The following HDAC9 variants were observed in gnomAD, a reference collection of about 807,000 sequenced individuals.
HDAC9 encodes MEF-2 interacting transcription repressor (MITR) protein.
Under a neutral mutation model 139.4 loss-of-function variants are expected in HDAC9, and 41 were observed. The ratio of observed to expected loss-of-function variants is 0.29; its 90% confidence interval spans 0.23 to 0.38. HDAC9 has a LOEUF of 0.38. Ranked by LOEUF, HDAC9 falls within the 10% of genes least tolerant of loss-of-function variation. The pLI, the probability that HDAC9 is intolerant of heterozygous loss-of-function variation, is 1.00. For missense variants in HDAC9, 1,147 were observed against 1,297.0 expected, an observed-to-expected ratio of 0.88 and a Z score of 1.78; for synonymous variants, 517 against 476.2, an observed-to-expected ratio of 1.09 and a Z score of -1.12.
At chr7:18,869,891 T>C (rs1267440629) in intron 21 of HDAC9, among the ~76,000 whole-genome samples, 2 of 151,226 alleles carry the variant, frequency 1.3e-5, no homozygotes, top group African/African-American at 4.9e-5. Flanking sequence ...TTTTTTGTTT[T>C]TTTTTTTTAG....
chr7:18,970,863 A>C (rs1434352800), intron 24 of HDAC9, among the ~76,000 whole-genome samples: 4 of 152,198 alleles, frequency 2.6e-5, no homozygotes, highest in African/African-American at 9.6e-5. Context: ...CAAAATGATG[A>C]TGGAATGAGG....
At chr7:18,269,565 G>A (rs904414842) in intron 2 of HDAC9, among the ~76,000 whole-genome samples, 7 of 151,934 alleles carry the variant, frequency 4.6e-5, no homozygotes, top group African/African-American at 1.7e-4. Context: ...TTCGAAATAT[G>A]AGCATGGGAA....
intron 22 of HDAC9, among the ~76,000 whole-genome samples, chr7:18,883,372 A>G (rs1210445133): frequency 1.3e-5 from 2 of 152,156 alleles, no homozygotes; most frequent in Non-Finnish European, 2.9e-5. Context: ...ATGGGATGCA[A>G]AGATGATTCA....
In HDAC9 at chr7:18,326,314, G is replaced by T. The variant is rs1800440857; in HGVS notation, c.-42+35799G>T. On this transcript the variant is annotated intron_variant, in intron 1 of 3. Coordinates refer to the HDAC9 transcript ENST00000413509. ...TATGCTTGAATAAAAGCATCTAAAA[G>T]AAAGTGTTTTTTTATAAATGACAAC... Among the ~76,000 whole-genome samples the T allele has an allele frequency of 2.0e-5, 3 of 152,060 alleles. No individual in the cohort carries two copies. In the South Asian group the frequency reaches 6.2e-4, roughly 32 times the overall value.
At chr7:18,173,398 CTT>C (rs1485683390) in intron 2 of HDAC9, among the ~76,000 whole-genome samples, 1 of 152,160 alleles carries the variant, frequency 6.6e-6, no homozygotes, top group African/African-American at 2.4e-5. Flanking sequence ...GGTCTTGACT[CTT>C]TATCCAATTT....
chr7:18,840,490 T>C (rs1796516441), intron 21 of HDAC9, among the ~76,000 whole-genome samples: 1 of 152,056 alleles, frequency 6.6e-6, no homozygotes, highest in South Asian at 2.1e-4. Context: ...AGTGCACATT[T>C]AGTCAAAATT....
Position 18,227,725 on chromosome 7 carries a change from C to A in HDAC9, c.25+65376C>A, listed in dbSNP as rs540758356. 3.3e-5 allele frequency among the ~76,000 whole-genome samples: 5 copies of A among 152,204 alleles called. No individual in the cohort carries two copies. The South Asian group carries it at 1.0e-3, about 32-fold the overall frequency. ...CCTGCTGCCTGCTGTCATTTTTTCA[C>A]TATTAGAAATATTATCATATTACTA... On this transcript the variant is annotated intron_variant, in intron 2 of 12. Coordinates refer to the HDAC9 transcript ENST00000417496.
At chr7:18,757,117 A>C (rs574384270) in intron 14 of HDAC9, among the ~76,000 whole-genome samples, 4 of 152,300 alleles carry the variant, frequency 2.6e-5, no homozygotes, top group African/African-American at 4.8e-5. Flanking sequence ...TAAGACCATG[A>C]ATTGACTCAT....
chr7:18,198,195 G>A (rs1391801050), intron 2 of HDAC9, among the ~76,000 whole-genome samples: 2 of 152,000 alleles, frequency 1.3e-5, no homozygotes, highest in African/African-American at 4.8e-5. Context: ...TCTAGAAGCA[G>A]CTTTGGACTA....
intron 17 of HDAC9, among the ~76,000 whole-genome samples, chr7:18,800,538 TA>T (rs1793198633): frequency 3.3e-5 from 5 of 152,222 alleles, no homozygotes; most frequent in Admixed American, 3.3e-4. Context: ...TCAAGTTTTA[TA>T]ATTTCTTCTT....
intron 2 of HDAC9, among the ~76,000 whole-genome samples, chr7:18,246,521 C>T (rs1166175975): frequency 2.0e-5 from 3 of 152,068 alleles, no homozygotes; most frequent in African/African-American, 4.8e-5. Flanking sequence ...CCCATTCCCA[C>T]CTTCCTCAGA....
intron 2 of HDAC9, among the ~76,000 whole-genome samples, chr7:18,567,597 T>C (rs1822797953): frequency 6.6e-6 from 1 of 152,184 alleles, no homozygotes; most frequent in Non-Finnish European, 1.5e-5. Context: ...TTTGCTAAGC[T>C]CTATGATTAG....
intron 2 of HDAC9, among the ~76,000 whole-genome samples, chr7:18,275,184 A>G (rs549405034): frequency 3.3e-5 from 5 of 152,310 alleles, no homozygotes; most frequent in African/African-American, 9.6e-5. Context: ...TTGAAAAATC[A>G]TTGAATGTTG....
intron 2 of HDAC9, chr7:18,517,720 C>T (rs1803698817): frequency 6.6e-6 from 1 of 152,124 alleles, no homozygotes; most frequent in Non-Finnish European, 1.5e-5. Flanking sequence ...AAGAAGAGGC[C>T]TTTACTCCTG....
chr7:18,206,812 AAGTT>A (rs1224518108), intron 2 of HDAC9, among the ~76,000 whole-genome samples: 2 of 152,180 alleles, frequency 1.3e-5, no homozygotes, highest in Admixed American at 6.5e-5. Context: ...CAAGCCTTTC[AAGTT>A]AGTTTAAGTG....
chr7:18,185,144 A>G lies in HDAC9; in HGVS notation c.25+22795A>G, dbSNP rs191406667. 1.6e-4 allele frequency among the ~76,000 whole-genome samples: 24 copies of G among 152,358 alleles called. No homozygotes were observed. The East Asian group carries it at 4.2e-3, about 27-fold the overall frequency. On this transcript the variant is annotated intron_variant, in intron 2 of 12. Transcript: ENST00000417496. ...AAGTGATTTTTATGGTTAGAAGTCA[A>G]ACAACTTTACTTACAGACAGTGATC...
At chr7:18,639,183 C>G (rs1455682025) in intron 8 of HDAC9, among the ~76,000 whole-genome samples, 1 of 152,008 alleles carries the variant, frequency 6.6e-6, no homozygotes, top group South Asian at 2.1e-4. Flanking sequence ...TGTTTTGCCC[C>G]AATCTCACAT....
At position 18,767,101 on chromosome 7, in the gene HDAC9, T is replaced by A; in HGVS notation, c.2165-5T>A. 6 of 1,506,538 alleles carry A rather than the reference T, an allele frequency of 4.0e-6. No homozygotes were observed. Among genetic ancestry groups the A allele is most frequent in the Non-Finnish European group, 5.4e-6 (6 of 1,103,556 alleles). The allele number at this position is 1,506,538 out of a possible 1,614,324, so 93.3% of individuals were successfully genotyped here. On this transcript the variant is annotated splice_region_variant and splice_polypyrimidine_tract_variant and intron_variant, in intron 15 of 25. Coordinates refer to ENST00000686413, the MANE Select transcript of HDAC9 (RefSeq NM_178425.4). The stretch of plus-strand genomic sequence containing the variant: ...CTATATTTTTTATGTCTTCTTACTG[T>A]ATAGGTGATGACTCTCAAAAGTTTT...
chr7:18,267,318 T>C (rs1796068463), intron 2 of HDAC9, among the ~76,000 whole-genome samples: 1 of 152,144 alleles, frequency 6.6e-6, no homozygotes, highest in Non-Finnish European at 1.5e-5. Flanking sequence ...GGAATATTTC[T>C]CTTGCAATAT....
Sources: allele counts gnomAD v4.1 joint callset (sites outside exome capture counted in the v4.1 genomes callset), GRCh38; gene constraint gnomAD v4.1.1; transcripts MANE v1.5; gene names NCBI Gene and HGNC (gene_info 2026-07-23, HGNC 2026-07-21).